Variants in UNC5C observed in about 807,000 individuals in gnomAD.
UNC5C encodes unc-5 netrin receptor C, also known as netrin receptor UNC5C.
In UNC5C, 47 loss-of-function variants were observed where a neutral mutation model predicts 99.8. The ratio of observed to expected loss-of-function variants is 0.47; its 90% CI spans 0.37 to 0.60. The LOEUF (loss-of-function observed/expected upper bound fraction) is 0.60, where lower values mean the gene tolerates loss of function less well. UNC5C is among the 20% of genes least tolerant of loss of function. The pLI, the probability that UNC5C is intolerant of heterozygous loss-of-function variation, is 0.00. For missense variants in UNC5C, 1,062 were observed against 1,165.9 expected (o/e 0.91, Z 1.30); for synonymous variants, 487 against 452.2 (o/e 1.08, Z -0.98).
chr4:95,207,115 A>G (rs1286014086), intron 10 of UNC5C, among the ~76,000 whole-genome samples: 1 of 152,158 alleles, frequency 6.6e-6, no homozygotes, highest in Admixed American at 6.5e-5. Flanking sequence ...AGATGGAATG[A>G]GAATGAACAG....
chr4:95,255,611 CCTAT>C (rs1260241979), intron 4 of UNC5C, among the ~76,000 whole-genome samples: 2 of 152,006 alleles, frequency 1.3e-5, no homozygotes, highest in East Asian at 1.9e-4. Context: ...TCTCTGTGTT[CCTAT>C]CTGTCACCTC....
intron 2 of UNC5C, among the ~76,000 whole-genome samples, chr4:95,306,646 T>A (rs1472366236): frequency 6.6e-6 from 1 of 152,216 alleles, no homozygotes; most frequent in Non-Finnish European, 1.5e-5. Flanking sequence ...TAACTCAACT[T>A]TAGACTTAGG....
At chr4:95,434,355 T>G (rs966469388) in intron 1 of UNC5C, among the ~76,000 whole-genome samples, 1 of 152,126 alleles carries the variant, frequency 6.6e-6, no homozygotes, top group African/African-American at 2.4e-5. Context: ...CATTCATTCA[T>G]ACATGTTTAC....
At chr4:95,535,243 A>C (rs1446454795) in intron 1 of UNC5C, among the ~76,000 whole-genome samples, 1 of 133,332 alleles carries the variant, frequency 7.5e-6, no homozygotes, top group African/African-American at 3.2e-5. Context: ...CTAACTGGGT[A>C]CAAAAAATAA....
intron 1 of UNC5C, among the ~76,000 whole-genome samples, chr4:95,530,330 G>A (rs1482420813): frequency 6.6e-6 from 1 of 152,098 alleles, no homozygotes; most frequent in Non-Finnish European, 1.5e-5. Context: ...AAGCACATCT[G>A]GTAATGAATG....
At chr4:95,312,822 GT>G (rs1479519138) in intron 2 of UNC5C, among the ~76,000 whole-genome samples, 1 of 152,126 alleles carries the variant, frequency 6.6e-6, no homozygotes, top group African/African-American at 2.4e-5. Flanking sequence ...AAAGAAGTCT[GT>G]TTAGTACAGA....
At chr4:95,310,177 G>A (rs1208647422) in intron 2 of UNC5C, among the ~76,000 whole-genome samples, 1 of 152,094 alleles carries the variant, frequency 6.6e-6, no homozygotes, top group Non-Finnish European at 1.5e-5. Flanking sequence ...TAAATGAAAT[G>A]AGCCAGGCAC....
At chr4:95,544,775 A>G (rs1438814621) in intron 1 of UNC5C, among the ~76,000 whole-genome samples, 2 of 152,228 alleles carry the variant, frequency 1.3e-5, no homozygotes, top group Non-Finnish European at 2.9e-5. Flanking sequence ...AACTAAAAAA[A>G]TATGTAGGCT....
Position 95,182,106 on chromosome 4 carries a change from T to C in UNC5C, c.2451+791A>G, listed in dbSNP as rs559972085. ...GTGAAGGGTTATCAATTTTCAAGGCTTTGGATCCAAGGTAACAGATAAGGA... is the reference window on the plus strand; with the variant it reads ...GTGAAGGGTTATCAATTTTCAAGGCCTTGGATCCAAGGTAACAGATAAGGA... On this transcript the variant is annotated intron_variant, in intron 14 of 15. Coordinates refer to ENST00000453304, the MANE Select transcript of UNC5C (RefSeq NM_003728.4). 1.1e-4 allele frequency among the ~76,000 whole-genome samples: 17 copies of C among 152,264 alleles called. 1 individual carries two copies. The highest frequency in any genetic ancestry group is 1.0e-3 in the Admixed American group (16 of 15,296).
At chr4:95,200,939 T>C (rs1737630466) in intron 12 of UNC5C, among the ~76,000 whole-genome samples, 1 of 151,808 alleles carries the variant, frequency 6.6e-6, no homozygotes, top group African/African-American at 2.4e-5. Flanking sequence ...TGGGAGGTGA[T>C]TAGGTCATAA....
intron 2 of UNC5C, among the ~76,000 whole-genome samples, chr4:95,321,517 A>G (rs1290128062): frequency 6.6e-6 from 1 of 152,204 alleles, no homozygotes; most frequent in African/African-American, 2.4e-5. Context: ...ATGTTTTTGT[A>G]ATTGCAGCTG....
At chr4:95,421,525 T>C (rs184726366) in intron 1 of UNC5C, among the ~76,000 whole-genome samples, 49 of 152,172 alleles carry the variant, frequency 3.2e-4, no homozygotes, top group Admixed American at 2.9e-3. Context: ...GTTTCTGCTC[T>C]TAAGGAGATA....
chr4:95,209,230 G>T lies in UNC5C; in HGVS notation c.1734-2434C>A, dbSNP rs150340606. 5.9e-5 allele frequency among the ~76,000 whole-genome samples: 9 copies of T among 152,264 alleles called. 1 individual carries two copies. The East Asian group carries it at 1.7e-3, about 29-fold the overall frequency. On this transcript the variant is annotated intron_variant, in intron 10 of 15. Coordinates refer to ENST00000453304, the MANE Select transcript of UNC5C (RefSeq NM_003728.4). ...TGATGGTACTCTGTATAATGCTATCGCTGTGGGTAATAAGCTGTCTGTTGT... is the reference window on the plus strand; with the variant it reads ...TGATGGTACTCTGTATAATGCTATCTCTGTGGGTAATAAGCTGTCTGTTGT...
At chr4:95,356,300 C>T (rs949606575) in intron 1 of UNC5C, among the ~76,000 whole-genome samples, 6 of 151,316 alleles carry the variant, frequency 4.0e-5, no homozygotes, top group Non-Finnish European at 8.8e-5. Context: ...AGTTCTCTCC[C>T]TATTAAAATT....
At chr4:95,393,917 A>G (rs1485050437) in intron 1 of UNC5C, among the ~76,000 whole-genome samples, 1 of 151,698 alleles carries the variant, frequency 6.6e-6, no homozygotes, top group Non-Finnish European at 1.5e-5. Context: ...CCTAGAGGAC[A>G]GTTTTGAATT....
chr4:95,194,665 C>T (rs1737303801), intron 12 of UNC5C, among the ~76,000 whole-genome samples: 1 of 152,172 alleles, frequency 6.6e-6, no homozygotes, highest in South Asian at 2.1e-4. Flanking sequence ...AGTTCTCCAC[C>T]TTCAAAACCA....
chr4:95,500,337 G>C (rs568666496), intron 1 of UNC5C, among the ~76,000 whole-genome samples: 56 of 152,006 alleles, frequency 3.7e-4, no homozygotes, highest in African/African-American at 1.3e-3. Flanking sequence ...AATTCCATGA[G>C]AACAGGGACT....
chr4:95,312,239 G>A (rs777573349), intron 2 of UNC5C, among the ~76,000 whole-genome samples: 1 of 152,108 alleles, frequency 6.6e-6, no homozygotes, highest in Non-Finnish European at 1.5e-5. Context: ...AAATGCTTAT[G>A]AATCCTCCCT....
intron 12 of UNC5C, among the ~76,000 whole-genome samples, chr4:95,192,118 T>C: frequency 8.5e-6 from 1 of 117,670 alleles, no homozygotes; most frequent in South Asian, 3.3e-4. Context: ...CCTCCCCTCC[T>C]CCCCTGCTCA....
Sources: gnomAD v4.1 joint callset for allele counts (sites outside exome capture counted in the v4.1 genomes callset) on GRCh38, gnomAD v4.1.1 for gene constraint, MANE v1.5 for transcripts, NCBI Gene and HGNC (gene_info 2026-07-23, HGNC 2026-07-21) for gene names.